Variants in LDB3 observed in about 807,000 individuals in gnomAD.
LDB3 encodes LIM domain-binding protein 3.
LDB3 carries 49 observed loss-of-function variants against 69.0 expected under a neutral mutation model. The observed-to-expected ratio is 0.71, with a 90% CI of 0.56 to 0.90. LDB3 has a LOEUF of 0.90. Ranked by LOEUF, LDB3 falls within the 40% of genes least tolerant of loss-of-function variation. The pLI is 0.00. For missense variants in LDB3, 928 were observed against 974.1 expected (o/e 0.95, Z 0.63); for synonymous variants, 387 against 396.2 (o/e 0.98, Z 0.28).
intron 7 of LDB3, among the ~76,000 whole-genome samples, chr10:86,697,470 C>A (rs1846053355): frequency 6.6e-6 from 1 of 151,512 alleles, no homozygotes; most frequent in Non-Finnish European, 1.5e-5. Flanking sequence ...ATCCACCAGC[C>A]TCGGTCTCCC....
At chr10:86,718,993 T>G in intron 12 of LDB3, 146 bp downstream of exon 12, 1 of 1,028,350 alleles carries the variant, frequency 9.7e-7, no homozygotes. Context: ...TTGCTTTTAA[T>G]GGCAGAATCA....
At chr10:86,691,072 G>A (rs1182939645) in intron 5 of LDB3, among the ~76,000 whole-genome samples, 1 of 152,216 alleles carries the variant, frequency 6.6e-6, no homozygotes, top group Non-Finnish European at 1.5e-5. Context: ...TTTTGACCAT[G>A]GCCTGCACTG....
At chr10:86,731,281 G>A (rs1262836233) in intron 13 of LDB3, among the ~76,000 whole-genome samples, 1 of 138,950 alleles carries the variant, frequency 7.2e-6, no homozygotes, top group Admixed American at 7.4e-5. Flanking sequence ...CTTGGGTACA[G>A]TGGCATGATC....
chr10:86,669,171 G>A (rs1844323439), intron 2 of LDB3, among the ~76,000 whole-genome samples: 1 of 152,182 alleles, frequency 6.6e-6, no homozygotes, highest in Non-Finnish European at 1.5e-5. Flanking sequence ...GCTGCTTTGG[G>A]AAGGGAGTAT....
intron 2 of LDB3, among the ~76,000 whole-genome samples, chr10:86,677,316 T>C (rs902909520): frequency 6.6e-6 from 1 of 151,926 alleles, no homozygotes; most frequent in Non-Finnish European, 1.5e-5. Context: ...ACAGCCAGAG[T>C]CTCTGGCATT....
chr10:86,715,224 C>T (rs1319642415), intron 9 of LDB3, among the ~76,000 whole-genome samples: 1 of 152,096 alleles, frequency 6.6e-6, no homozygotes, highest in Non-Finnish European at 1.5e-5. Flanking sequence ...CCATCCTGCC[C>T]ATACTGAGCT....
chr10:86,715,445 G>T (rs1034127493), intron 9 of LDB3, among the ~76,000 whole-genome samples: 2 of 152,184 alleles, frequency 1.3e-5, no homozygotes, highest in Non-Finnish European at 2.9e-5. Flanking sequence ...GGTAAGCAGT[G>T]GCAATGCTTT....
At position 86,718,920 on chromosome 10, in the gene LDB3, C is replaced by T. The variant is rs949891678; in HGVS notation, c.1978+73C>T. 7 of 1,590,406 alleles carry T rather than the reference C, an allele frequency of 4.4e-6. No individual in the cohort carries two copies. The African/African-American group carries it at 8.1e-5, about 18-fold the overall frequency. On this transcript the variant is annotated intron_variant, in intron 12 of 13. Coordinates refer to ENST00000361373, the MANE Select transcript of LDB3 (RefSeq NM_007078.3). ...AAGGGGCAGGCACAGGGAACTAACTCCTGCCTAATCCATTCACATCCGACC... is the reference window on the plus strand; with the variant it reads ...AAGGGGCAGGCACAGGGAACTAACTTCTGCCTAATCCATTCACATCCGACC...
intron 3 of LDB3, 86 bp downstream of exon 3, chr10:86,679,604 T>C (rs1280841120): frequency 4.1e-6 from 6 of 1,460,388 alleles, no homozygotes; most frequent in East Asian, 2.3e-5. Context: ...CCCATAGCAA[T>C]TGAGTGGGCC....
At chr10:86,731,310 C>T (rs1476531774) in intron 13 of LDB3, among the ~76,000 whole-genome samples, 4 of 149,186 alleles carry the variant, frequency 2.7e-5, no homozygotes, top group Admixed American at 1.3e-4. Flanking sequence ...CTGAAACCTC[C>T]GTCTTCCGGG....
intron 5 of LDB3, among the ~76,000 whole-genome samples, chr10:86,688,856 CT>C (rs1845626683): frequency 6.6e-6 from 1 of 152,218 alleles, no homozygotes; most frequent in Admixed American, 6.5e-5. Flanking sequence ...GGTCTCACCA[CT>C]AGGGCACCCA....
At chr10:86,691,436 T>C (rs563909093) in intron 5 of LDB3, among the ~76,000 whole-genome samples, 7 of 152,288 alleles carry the variant, frequency 4.6e-5, no homozygotes, top group Non-Finnish European at 8.8e-5. Flanking sequence ...AGTGACAGCA[T>C]TGGCAGCTCC....
chr10:86,716,775 T>C lies in LDB3; in HGVS notation c.1676+4T>C. 1.2e-6 allele frequency: 2 copies of C among 1,601,890 alleles called. No homozygotes were observed. The highest frequency in any genetic ancestry group is 1.7e-6 in the Non-Finnish European group (2 of 1,174,710). ...GTCACTGCAACAATGTCATCCGGTA[T>C]GGTCCAGCTGTGCCCCTGCACTGGG... On this transcript the variant is annotated splice_donor_region_variant and intron_variant, in intron 10 of 13. Transcript: ENST00000361373.
At position 86,726,160 on chromosome 10, in the gene LDB3, A is replaced by G. The variant is rs773097158; in HGVS notation, c.2002A>G (p.Lys668Glu). 6.2e-7 allele frequency: 1 copy of G among 1,613,960 alleles called. No individual in the cohort carries two copies. Among genetic ancestry groups the G allele is most frequent in the Non-Finnish European group, 8.5e-7 (1 of 1,179,994 alleles). Residue 668 changes from lysine (K) to glutamate (E), a missense_variant, in exon 13 of 14, where the codon AAG becomes GAG. Transcript: ENST00000361373. ...EKDYINLFST[K>E]CHGCDFPVEA... is the part of the protein sequence containing the mutation. ...AGACTACATCAATCTGTTCAGCACC[A>G]AGTGCCATGGCTGCGATTTCCCCGT... is the stretch of plus-strand genomic sequence containing the variant.
intron 2 of LDB3, among the ~76,000 whole-genome samples, chr10:86,672,128 T>C (rs1300638138): frequency 1.3e-5 from 2 of 151,866 alleles, no homozygotes; most frequent in Non-Finnish European, 2.9e-5. Context: ...AATAAATAAA[T>C]AAACAAATAA....
intron 7 of LDB3, among the ~76,000 whole-genome samples, chr10:86,700,693 G>A (rs1564649187): frequency 6.6e-6 from 1 of 152,184 alleles, no homozygotes. Flanking sequence ...GGGCTAGGAA[G>A]GGCAGCAGCA....
chr10:86,674,827 A>G (rs1429054801), intron 2 of LDB3, among the ~76,000 whole-genome samples: 2 of 152,184 alleles, frequency 1.3e-5, no homozygotes, highest in African/African-American at 4.8e-5. Context: ...TGCACTCTCC[A>G]TGAGCCCTGG....
intron 8 of LDB3, among the ~76,000 whole-genome samples, chr10:86,708,676 A>G (rs1397501661): frequency 6.6e-6 from 1 of 152,210 alleles, no homozygotes; most frequent in African/African-American, 2.4e-5. Flanking sequence ...GGGAGACAAT[A>G]GCTTCACTCA....
At position 86,668,706 on chromosome 10, in the gene LDB3, G is replaced by C. The variant is rs1356691522; in HGVS notation, c.15G>C (p.Val5=). The part of the protein sequence containing the change: MSYS[V]TLTGPGPWGF... The stretch of plus-strand genomic sequence containing the variant: ...ACAGCACCAGCATGTCTTACAGTGT[G>C]ACCCTGACTGGGCCCGGGCCCTGGG... The change falls in exon 2 of 14, where the codon GTG becomes GTC. Residue 5 remains valine (V), a synonymous_variant. Coordinates refer to ENST00000361373, the MANE Select transcript of LDB3 (RefSeq NM_007078.3). The C allele has an allele frequency of 1.2e-6, 2 of 1,613,260 alleles. No homozygotes were observed. The highest frequency in any genetic ancestry group is 1.7e-6 in the Non-Finnish European group (2 of 1,179,964).
Sources: allele counts gnomAD v4.1 joint callset (sites outside exome capture counted in the v4.1 genomes callset), GRCh38; gene constraint gnomAD v4.1.1; transcripts MANE v1.5; gene names NCBI Gene and HGNC (gene_info 2026-07-23, HGNC 2026-07-21).